Variants in ADCY6 observed in about 807,000 individuals in gnomAD.
ADCY6 encodes adenylate cyclase type 6.
In ADCY6, 59 loss-of-function variants were observed where a neutral mutation model predicts 111.6. The observed-to-expected ratio is 0.53, with a 90% CI of 0.43 to 0.66. The LOEUF (loss-of-function observed/expected upper bound fraction) is 0.66, where lower values mean the gene tolerates loss of function less well. Among genes scored for constraint, ADCY6 ranks in the 30% least tolerant of loss-of-function variants. The probability of loss-of-function intolerance (pLI) is 0.00; values close to 1 mark genes in which losing one functional copy is unlikely to be tolerated. For missense variants in ADCY6, 1,242 were observed against 1,595.6 expected, an observed-to-expected ratio of 0.78 and a Z score of 3.78; for synonymous variants, 576 against 642.9, an observed-to-expected ratio of 0.90 and a Z score of 1.57.
Position 48,777,149 on chromosome 12 carries a change from G to A in ADCY6, c.1331C>T (p.Ala444Val). The A allele has an allele frequency of 1.2e-6, 2 of 1,613,770 alleles. No homozygotes were observed. The highest frequency in any genetic ancestry group is 3.3e-5 in the Admixed American group (2 of 59,978). The change falls in exon 6 of 22, where the codon GCC becomes GTC. Residue 444 changes from alanine (A) to valine (V), a missense_variant. This residue lies in a region of ADCY6 where 260 missense variants were observed against 414.6 expected (regional missense o/e 0.63). Coordinates refer to ENST00000357869, the MANE Select transcript of ADCY6 (RefSeq NM_015270.5). This position sits in a 1 kb window ranked among gnomAD's most constrained non-coding sequence, Gnocchi z 4.9. ...TACCCCCATCTCCACACAGCAGTGG[G>A]CATGGTCGGCCCGGGCCTCCGGCAG... ...SGLPEARADH[A>V]HCCVEMGVDM...
Position 48,775,396 on chromosome 12 carries a change from G to A in ADCY6, c.1887C>T (p.Ser629=). 1.2e-6 allele frequency: 2 copies of A among 1,614,158 alleles called. No homozygotes were observed. The highest frequency in any genetic ancestry group is 1.7e-6 in the Non-Finnish European group (2 of 1,180,024). Residue 629 remains serine, a synonymous_variant, in exon 11 of 22, where the codon AGC becomes AGT. Transcript: ENST00000357869. The part of the protein sequence containing the change: ...NPEDEVDEFL[S]RAIDARSIDQ... Reference sequence around the variant, plus strand: ...CAATGCTGCGGGCATCGATGGCACGGCTCAGGAACTCATCCACCTCATCCT... The same window carrying A: ...CAATGCTGCGGGCATCGATGGCACGACTCAGGAACTCATCCACCTCATCCT...
rs1392244740 is a variant in ADCY6 at position 48,777,128 on chromosome 12, C to T, written c.1352G>A (p.Gly451Glu). The T allele has an allele frequency of 6.2e-7, 1 of 1,612,350 alleles. No homozygotes were observed. Among genetic ancestry groups the T allele is most frequent in the Admixed American group, 1.7e-5 (1 of 59,764 alleles). The stretch of plus-strand genomic sequence containing the variant: ...CGAGATGGCCTCAATCATGTCTACC[C>T]CCATCTCCACACAGCAGTGGGCATG... The part of the protein sequence containing the change: ...ADHAHCCVEM[G>E]VDMIEAISLV... Residue 451 changes from glycine to glutamate, a missense_variant, in exon 6 of 22, where the codon GGG (glycine) becomes GAG (glutamate). By Grantham distance (98) the Gly-to-Glu change is moderately conservative. This residue lies in a region of ADCY6 where 260 missense variants were observed against 414.6 expected (regional missense o/e 0.63). Coordinates refer to ENST00000357869, the MANE Select transcript of ADCY6 (RefSeq NM_015270.5). The surrounding 1 kb of genome is among the most constrained non-coding windows in gnomAD (Gnocchi z 4.9).
intron 18 of ADCY6, 50 bp from the exon 19 acceptor site, chr12:48,772,023 G>T (rs1013320636): frequency 1.3e-6 from 2 of 1,567,232 alleles, no homozygotes; most frequent in Non-Finnish European, 1.7e-6. Context: ...CAAGGGGTAG[G>T]TGTGGTGGCC....
chr12:48,773,479 C>G lies in ADCY6; in HGVS notation c.2611G>C (p.Val871Leu). The change falls in exon 16 of 22, where the codon GTC becomes CTC. Residue 871 changes from valine to leucine, a missense_variant. Around this residue, in one of 4 missense-constraint regions of ADCY6, gnomAD observed 375 missense variants for 432.5 expected, o/e 0.87. Transcript: ENST00000357869. Reference protein sequence around the residue: ...IFDNYDLLLGVHGLASSNETF... With the variant: ...IFDNYDLLLGLHGLASSNETF... ...TGAGAATAAACTCACAAGCCATGGA[C>G]GCCAAGCAGTAGGTCATAGTTGTCA... The G allele has an allele frequency of 2.5e-6, 4 of 1,613,680 alleles. No individual in the cohort carries two copies. Among genetic ancestry groups the G allele is most frequent in the Non-Finnish European group, 3.4e-6 (4 of 1,179,808 alleles).
rs769553866 is a variant in ADCY6, at chr12:48,773,915, C to A, written c.2442+25G>T. The A allele has an allele frequency of 1.2e-5, 20 of 1,611,170 alleles. No homozygotes were observed. In the South Asian group the frequency reaches 2.0e-4, roughly 16 times the overall value. On this transcript the variant is annotated intron_variant, in intron 15 of 21. Coordinates refer to ENST00000357869, the MANE Select transcript of ADCY6 (RefSeq NM_015270.5). ...AATGTCTGTGCCAGGACAGCCCCCC[C>A]ACCGCCTGAGCACTGCTCGAACACC...
intron 18 of ADCY6, 43 bp from the exon 19 acceptor site, chr12:48,772,016 G>A (rs1941560929): frequency 5.7e-6 from 9 of 1,572,198 alleles, no homozygotes; most frequent in Non-Finnish European, 6.9e-6. Flanking sequence ...ACATTCACAA[G>A]GGGTAGGTGT....
In ADCY6 at chr12:48,774,473, A is replaced by G. The variant is rs768700461; in HGVS notation, c.2212T>C (p.Ser738Pro). The change falls in exon 14 of 22, where the codon TCA becomes CCA. Residue 738 changes from serine to proline, a missense_variant. Ser to Pro is a moderately conservative substitution (Grantham distance 74). Coordinates refer to ENST00000357869, the MANE Select transcript of ADCY6 (RefSeq NM_015270.5). Reference protein sequence around the residue: ...LQRLSRSIVRSRAHSTAVGIF... With the variant: ...LQRLSRSIVRPRAHSTAVGIF... ...CCAACTGCGGTGCTATGTGCCCGTGAGCGGACAATGCTGCGGGACAGACGT... is the reference window on the plus strand; with the variant it reads ...CCAACTGCGGTGCTATGTGCCCGTGGGCGGACAATGCTGCGGGACAGACGT... 3 of 1,614,004 alleles carry G rather than the reference A, an allele frequency of 1.9e-6. No individual in the cohort carries two copies.
chr12:48,775,093 C>A (rs202088929), intron 11 of ADCY6, 39 bp from the exon 12 acceptor site: 48 of 1,523,168 alleles, frequency 3.2e-5, no homozygotes, highest in Admixed American at 7.8e-5. Flanking sequence ...TGGGCCCTCC[C>A]TAAGGAAGGC....
chr12:48,777,809 A>T lies in ADCY6; in HGVS notation c.1015-73T>A. On this transcript the variant is annotated intron_variant, in intron 3 of 21. Transcript: ENST00000357869. The surrounding 1 kb of genome is among the most constrained non-coding windows in gnomAD (Gnocchi z 4.9). ...TTGCAATCCCTCCTGGTCTCTCCAC[A>T]TCGCCAGAGCCCTCCTAGACTTCTC... 2 of 1,584,590 alleles carry T rather than the reference A, an allele frequency of 1.3e-6. No individual in the cohort carries two copies. The highest frequency in any genetic ancestry group is 2.2e-5 in the East Asian group (1 of 44,676).
chr12:48,776,266 C>T lies in ADCY6; in HGVS notation c.1620G>A (p.Ala540=), dbSNP rs368303978. 2.8e-5 allele frequency: 46 copies of T among 1,614,218 alleles called. No individual in the cohort carries two copies. Among genetic ancestry groups the T allele is most frequent in the South Asian group, 2.2e-4 (20 of 91,082 alleles). ...VEPGRGGERN[A]YLKEQHIETF... is the part of the protein sequence containing the mutation. The stretch of plus-strand genomic sequence containing the variant: ...TCTCAATGTGCTGCTCCTTGAGGTA[C>T]GCGTTGCGCTCGCCACCACGGCCTG... Residue 540 remains alanine (A), a synonymous_variant, in exon 8 of 22, where the codon GCG becomes GCA. Coordinates refer to ENST00000357869, the MANE Select transcript of ADCY6 (RefSeq NM_015270.5). This position sits in a 1 kb window ranked among gnomAD's most constrained non-coding sequence, Gnocchi z 6.1.
chr12:48,768,481 T>G lies in ADCY6; in HGVS notation c.*110A>C. 1 of 1,503,214 alleles carries G rather than the reference T, an allele frequency of 6.7e-7. No individual in the cohort carries two copies. Among genetic ancestry groups the G allele is most frequent in the Non-Finnish European group, 9.2e-7 (1 of 1,086,452 alleles). The allele number at this position is 1,503,214 out of a possible 1,614,324, so 93.1% of individuals were successfully genotyped here. ...CCTGCTGGGATGTTCCCTTTTGTGG[T>G]TAGCAGGGTCTGGAGGCTCAGTGCC... On this transcript the variant is annotated 3_prime_UTR_variant, in exon 22 of 22. Transcript: ENST00000357869.
intron 16 of ADCY6, among the ~76,000 whole-genome samples, chr12:48,773,113 C>A (rs1331740294): frequency 6.6e-6 from 1 of 152,112 alleles, no homozygotes; most frequent in Non-Finnish European, 1.5e-5. Flanking sequence ...GTGTCCCAGG[C>A]AAAGCCCCCA....
chr12:48,768,437 G>T lies in ADCY6; in HGVS notation c.*154C>A, dbSNP rs552533168. 5.7e-5 allele frequency: 62 copies of T among 1,093,704 alleles called. No individual in the cohort carries two copies. The highest frequency in any genetic ancestry group is 7.1e-5 in the Non-Finnish European group (53 of 747,818). 67.7% of individuals were successfully genotyped at this position (1,093,704 alleles called of 1,614,324 possible). A position where few individuals can be genotyped will look rare whatever the true frequency, so the allele number is the denominator to read the frequency against. Reference sequence around the variant, plus strand: ...CTTGTTTTCCAGCTTGAGGGCAGACGAGCATGATCCAAGCACAGCCTGCTG... The same window carrying T: ...CTTGTTTTCCAGCTTGAGGGCAGACTAGCATGATCCAAGCACAGCCTGCTG... On this transcript the variant is annotated 3_prime_UTR_variant, in exon 22 of 22. Transcript: ENST00000357869.
chr12:48,783,805 C>T, intron 1 of ADCY6: 1 of 245,838 alleles, frequency 4.1e-6, no homozygotes. Flanking sequence ...TTAGCCTGGG[C>T]CAGGCGTGGT....
Position 48,768,239 on chromosome 12 carries a change from CAG to C in ADCY6, c.*350_*351del. The stretch of plus-strand genomic sequence containing the variant: ...GCCCTGAACCTGCTGCCCAGACAGA[CAG>C]GGAAGGGTAGGCATGGCAAGCTGCC... On this transcript the variant is annotated 3_prime_UTR_variant, in exon 22 of 22. Coordinates refer to ENST00000357869, the MANE Select transcript of ADCY6 (RefSeq NM_015270.5). 2.7e-6 allele frequency: 1 copy of C among 365,400 alleles called. No individual in the cohort carries two copies. Among genetic ancestry groups the C allele is most frequent in the South Asian group, 2.8e-5 (1 of 35,154 alleles). The allele number at this position is 365,400 out of a possible 1,614,324, so 22.6% of individuals were successfully genotyped here.
Position 48,782,925 on chromosome 12 carries a change from G to A in ADCY6, c.510C>T (p.His170=). ...VLLTAVLLAF[H]AAPARPQPAY... is the part of the protein sequence containing the mutation. Reference sequence around the variant, plus strand: ...CAGGCTGAGGGCGGGCGGGTGCGGCGTGGAAAGCCAGCAGCACCGCTGTGA... The same window carrying A: ...CAGGCTGAGGGCGGGCGGGTGCGGCATGGAAAGCCAGCAGCACCGCTGTGA... Residue 170 remains histidine (H), a synonymous_variant, in exon 2 of 22, where the codon CAC becomes CAT. Coordinates refer to ENST00000357869, the MANE Select transcript of ADCY6 (RefSeq NM_015270.5). This position sits in a 1 kb window ranked among gnomAD's most constrained non-coding sequence, Gnocchi z 4.3. 8.1e-6 allele frequency: 13 copies of A among 1,613,492 alleles called. No individual in the cohort carries two copies. Among genetic ancestry groups the A allele is most frequent in the East Asian group, 2.2e-5 (1 of 44,882 alleles).
At chr12:48,785,407 G>A (rs1423386860) in intron 1 of ADCY6, among the ~76,000 whole-genome samples, 1 of 152,142 alleles carries the variant, frequency 6.6e-6, no homozygotes, top group African/African-American at 2.4e-5. Context: ...ATCACCTGAG[G>A]TCAGGAGTTC....
In ADCY6 at chr12:48,772,322, G is replaced by A. The variant is rs1457821666; in HGVS notation, c.2760C>T (p.Ala920=). 6 of 1,613,814 alleles carry A rather than the reference G, an allele frequency of 3.7e-6. No individual in the cohort carries two copies. Among genetic ancestry groups the A allele is most frequent in the East Asian group, 2.2e-5 (1 of 44,892 alleles). ...GTAGTTTCCAGAGGAAGTCTAGGCG[G>A]GCAGTCGACTCCACCTGCTGAGCAT... ...YLHAQQVEST[A]RLDFLWKLQA... Residue 920 remains alanine, a synonymous_variant, in exon 18 of 22, where the codon GCC becomes GCT. Coordinates refer to ENST00000357869, the MANE Select transcript of ADCY6 (RefSeq NM_015270.5).
In ADCY6 at chr12:48,770,842, A is replaced by C; in HGVS notation, c.3180T>G (p.Ala1060=). 2 of 1,614,244 alleles carry C rather than the reference A, an allele frequency of 1.2e-6. No homozygotes were observed. Among genetic ancestry groups the C allele is most frequent in the African/African-American group, 2.7e-5 (2 of 75,060 alleles). The change falls in exon 20 of 22, where the codon GCT becomes GCG. Residue 1060 remains alanine (A), a synonymous_variant. Transcript: ENST00000357869. ...QVGRSHITAL[A]DYAMRLMEQM... is the part of the protein sequence containing the mutation. Reference sequence around the variant, plus strand: ...GCTCCATGAGCCGCATGGCGTAGTCAGCCAGGGCAGTGATGTGGGAGCGGC... The same window carrying C: ...GCTCCATGAGCCGCATGGCGTAGTCCGCCAGGGCAGTGATGTGGGAGCGGC...
Sources: allele counts gnomAD v4.1 joint callset (sites outside exome capture counted in the v4.1 genomes callset), GRCh38; gene constraint gnomAD v4.1.1; regional missense constraint gnomAD v4.1.1; non-coding constraint Gnocchi (gnomAD v3.1); transcripts MANE v1.5; gene names NCBI Gene and HGNC (gene_info 2026-07-23, HGNC 2026-07-21).